Variants in KLK15 observed in about 807,000 individuals in gnomAD.
The protein encoded by KLK15 is kallikrein-15.
Under a neutral mutation model 21.1 loss-of-function variants are expected in KLK15, and 19 were observed. The observed-to-expected ratio is 0.90, with a 90% CI of 0.63 to 1.32. The LOEUF is 1.32. Ranked by LOEUF, KLK15 falls within the 40% of genes most tolerant of loss-of-function variation. The pLI is 0.00. For synonymous variants in KLK15, 141 were observed against 141.5 expected, an observed-to-expected ratio of 1.00 and a Z score of 0.03; for missense variants, 345 against 348.6, an observed-to-expected ratio of 0.99 and a Z score of 0.08.
exon 5 of KLK15, chr19:50,825,799 G>C (rs2089869547): frequency 1.9e-6 from 3 of 1,613,510 alleles, no homozygotes; most frequent in Non-Finnish European, 2.5e-6. Flanking sequence ...AGAATAGTCA[G>C]TTCCTCTTCA....
At chr19:50,825,589 A>G (rs975631002), downstream of KLK15, 1 of 464,142 alleles carries the variant, frequency 2.2e-6, no homozygotes, top group African/African-American at 2.0e-5. Context: ...CTACAGAGCA[A>G]CTTGGATCAG....
chr19:50,831,485 A>G, exon 1 of KLK15: 1 of 1,454,486 alleles, frequency 6.9e-7, no homozygotes. Context: ...AGTGAGGAGA[A>G]GCCACATTGT....
Position 50,826,009 on chromosome 19 carries a change from A to G in KLK15, c.619-61T>C, listed in dbSNP as rs570197865. The G allele has an allele frequency of 2.7e-5, 41 of 1,519,944 alleles. No individual in the cohort carries two copies. In the East Asian group the frequency reaches 9.2e-4, roughly 34 times the overall value. 94.2% of individuals were successfully genotyped at this position (1,519,944 alleles called of 1,614,324 possible). A position where few individuals can be genotyped will look rare whatever the true frequency, so the allele number is the denominator to read the frequency against. ...ACCTCCTGGATTCATCCTCATCCTAATCACCATTTGCAATCTCACCCCAAA... is the reference window on the plus strand; with the variant it reads ...ACCTCCTGGATTCATCCTCATCCTAGTCACCATTTGCAATCTCACCCCAAA... On this transcript the variant is annotated intron_variant, in intron 4 of 4. Coordinates refer to ENST00000598239, the Ensembl canonical transcript of KLK15.
Position 50,826,201 on chromosome 19 carries a change from C to CTGTA in KLK15, c.619-257_619-254dup, listed in dbSNP as rs745931056. On this transcript the variant is annotated intron_variant, in intron 4 of 4. Transcript: ENST00000598239. Reference sequence around the variant, plus strand: ...TCACCCCCATGCAACTCCAGTGCAACTGTACTAAGTTAAATCCAACTCAGC... The same window carrying CTGTA: ...TCACCCCCATGCAACTCCAGTGCAACTGTATGTACTAAGTTAAATCCAACTCAGC... The CTGTA allele has an allele frequency of 5.9e-6, 3 of 509,690 alleles. No homozygotes were observed. In the South Asian group the frequency reaches 9.5e-5, roughly 16 times the overall value. The allele number at this position is 509,690 out of a possible 1,614,324, so 31.6% of individuals were successfully genotyped here.
chr19:50,833,489 C>T (rs1194323648), upstream of KLK15, among the ~76,000 whole-genome samples: 11 of 152,174 alleles, frequency 7.2e-5, no homozygotes, highest in Non-Finnish European at 1.5e-4. Flanking sequence ...GTGAATCTCC[C>T]CTTTGCCCCT....
In KLK15 at chr19:50,825,805, C is replaced by A. The variant is rs200568290; in HGVS notation, c.762G>T (p.Lys254Asn). ...AGATAGGCTAGAATAGTCAGTTCCTCTTCATGGTTTCCCTGATCCACTCCA... is the reference window on the plus strand; with the variant it reads ...AGATAGGCTAGAATAGTCAGTTCCTATTCATGGTTTCCCTGATCCACTCCA... The change falls in exon 5 of 5, where the codon AAG (lysine) becomes AAT (asparagine). Residue 254 changes from lysine to asparagine, a missense_variant. Transcript: ENST00000598239. 9.3e-6 allele frequency: 15 copies of A among 1,613,768 alleles called. No homozygotes were observed. The East Asian group carries it at 3.3e-4, about 36-fold the overall frequency.
rs2089886203 is a variant in KLK15, at chr19:50,826,769, A to G, written c.482-12T>C. The G allele has an allele frequency of 6.2e-7, 1 of 1,607,116 alleles. No homozygotes were observed. ...ATCTGGGAGACTCACTGGGGAAGACAGTGGACTTGGAGCAGATCCATAAAT... is the reference window on the plus strand; with the variant it reads ...ATCTGGGAGACTCACTGGGGAAGACGGTGGACTTGGAGCAGATCCATAAAT... On this transcript the variant is annotated splice_polypyrimidine_tract_variant and intron_variant, in intron 3 of 4. Coordinates refer to ENST00000598239, the Ensembl canonical transcript of KLK15.
exon 3 of KLK15, chr19:50,827,007 G>A (rs778663149): frequency 1.9e-6 from 3 of 1,605,994 alleles, no homozygotes; most frequent in Non-Finnish European, 2.5e-6. Context: ...TGGGGGTTCA[G>A]GCGTGCGGGC....
chr19:50,830,569 G>A (rs960587091), intron 1 of KLK15: 1 of 145,434 alleles, frequency 6.9e-6, no homozygotes, highest in African/African-American at 2.5e-5. Flanking sequence ...AGGCAGGTAG[G>A]TGAGTGCACA....
intron 1 of KLK15, among the ~76,000 whole-genome samples, chr19:50,828,867 G>A (rs1278411787): frequency 6.6e-6 from 1 of 150,614 alleles, no homozygotes; most frequent in Admixed American, 6.7e-5. Context: ...TACTCTGGAG[G>A]CTGAGGCAGG....
chr19:50,833,167 T>A (rs981236481), upstream of KLK15: 1 of 152,312 alleles, frequency 6.6e-6, no homozygotes, highest in Non-Finnish European at 1.5e-5. Flanking sequence ...TCAGGTTCTT[T>A]CTGTGACCTC....
At chr19:50,826,678 G>A (rs764543391) in exon 4 of KLK15, 3 of 1,613,648 alleles carry the variant, frequency 1.9e-6, no homozygotes, top group East Asian at 4.5e-5. Flanking sequence ...TGTTTGTCAG[G>A]CGCCCTGGGT....
At chr19:50,831,345 G>A (rs749382973) in intron 1 of KLK15, 105 bp downstream of exon 2, 2 of 782,478 alleles carry the variant, frequency 2.6e-6, no homozygotes, top group Admixed American at 4.2e-5. Flanking sequence ...AGGATCTTTA[G>A]TGGTCTCTGG....
chr19:50,826,086 C>T, intron 4 of KLK15, 138 bp from the exon 6 acceptor site: 1 of 799,494 alleles, frequency 1.3e-6, no homozygotes, highest in Non-Finnish European at 1.9e-6. Context: ...CTCAATACAG[C>T]CCAGTTTATC....
intron 1 of KLK15, among the ~76,000 whole-genome samples, chr19:50,829,120 A>G (rs1339895293): frequency 1.3e-5 from 2 of 151,574 alleles, no homozygotes; most frequent in Non-Finnish European, 3.0e-5. Flanking sequence ...CCTAAATTCA[A>G]CATCTCTAGT....
At chr19:50,826,951 C>A (rs1390791834) in exon 3 of KLK15, 10 of 1,603,408 alleles carry the variant, frequency 6.2e-6, no homozygotes, top group Non-Finnish European at 7.7e-6. Flanking sequence ...CCACACAGGC[C>A]TCCCCCGGGT....
intron 4 of KLK15, 163 bp downstream of exon 5, chr19:50,826,458 C>G: frequency 5.1e-6 from 4 of 783,378 alleles, no homozygotes; most frequent in Non-Finnish European, 7.8e-6. Flanking sequence ...CCTATAACCC[C>G]AACTCCAACC....
At chr19:50,831,458 G>A (rs764134407) in exon 1 of KLK15, 11 of 1,438,624 alleles carry the variant, frequency 7.6e-6, no homozygotes, top group Non-Finnish European at 1.0e-5. Flanking sequence ...ACCTGTGGAT[G>A]CCAGCAGGAA....
At chr19:50,830,244 C>T (rs1185660919) in intron 1 of KLK15, among the ~76,000 whole-genome samples, 1 of 151,622 alleles carries the variant, frequency 6.6e-6, no homozygotes, top group Non-Finnish European at 1.5e-5. Context: ...AGGACCAGGA[C>T]CCCTCTCCAC....
Sources: gnomAD v4.1 joint callset for allele counts (sites outside exome capture counted in the v4.1 genomes callset) on GRCh38, gnomAD v4.1.1 for gene constraint, MANE v1.5 for transcripts, NCBI Gene and HGNC (gene_info 2026-07-23, HGNC 2026-07-21) for gene names.